Variants in PTBP3 observed in about 807,000 individuals in gnomAD.
PTBP3 encodes the protein polypyrimidine tract-binding protein 3.
Under a neutral mutation model 58.7 loss-of-function variants are expected in PTBP3, and 20 were observed. The observed-to-expected ratio is 0.34, with a 90% CI of 0.24 to 0.50. The LOEUF (loss-of-function observed/expected upper bound fraction) is 0.50. Ranked by LOEUF, PTBP3 falls within the 20% of genes least tolerant of loss-of-function variation. The pLI, the probability that PTBP3 is intolerant of heterozygous loss-of-function variation, is 0.98. For missense variants in PTBP3, 509 were observed against 637.2 expected (o/e 0.80, Z 2.17); for synonymous variants, 185 against 219.8 (o/e 0.84, Z 1.40).
intron 12 of PTBP3, among the ~76,000 whole-genome samples, chr9:112,227,205 A>C (rs1835023372): frequency 6.6e-6 from 1 of 152,176 alleles, no homozygotes; most frequent in Admixed American, 6.6e-5. Context: ...TTGGAAAGAA[A>C]ATTTTAAAAC....
chr9:112,320,314 A>ATATATATATATATATATATATTTTTT, intron 1 of PTBP3, among the ~76,000 whole-genome samples: 3 of 75,692 alleles, frequency 4.0e-5, no homozygotes, highest in South Asian at 4.9e-4. Context: ...ATATATATAT[A>ATATATATATATATATATATATTTTTT]TTTTTTTTTA....
chr9:112,266,245 G>T (rs1450292434), intron 4 of PTBP3, among the ~76,000 whole-genome samples: 1 of 152,100 alleles, frequency 6.6e-6, no homozygotes, highest in Admixed American at 6.6e-5. Flanking sequence ...ATTTAAAAAT[G>T]GCTGAAATGG....
chr9:112,333,876 A>G (rs1027973179), upstream of PTBP3, among the ~76,000 whole-genome samples: 1 of 142,072 alleles, frequency 7.0e-6, no homozygotes. Flanking sequence ...GCGCGCCCCC[A>G]GCCTCCCTCC....
chr9:112,374,549 G>A, the PTBP3 span, among the ~76,000 whole-genome samples: 15 of 152,182 alleles, frequency 9.9e-5, 1 homozygote, highest in Admixed American at 7.9e-4. Flanking sequence ...TTGTCACCTA[G>A]TTGGTGTTGT....
intron 3 of PTBP3, among the ~76,000 whole-genome samples, chr9:112,273,240 C>A (rs1827464782): frequency 6.6e-6 from 1 of 152,166 alleles, no homozygotes; most frequent in Non-Finnish European, 1.5e-5. Flanking sequence ...GCAAAACTGA[C>A]TTCAAGTCAT....
At chr9:112,338,930 C>G in the PTBP3 span, among the ~76,000 whole-genome samples, 118 of 152,272 alleles carry the variant, frequency 7.7e-4, no homozygotes, top group African/African-American at 2.7e-3. Flanking sequence ...GTATAATTTG[C>G]CAGCCCATGC....
chr9:112,225,046 C>T (rs1487789293), intron 12 of PTBP3, among the ~76,000 whole-genome samples: 1 of 152,192 alleles, frequency 6.6e-6, no homozygotes, highest in African/African-American at 2.4e-5. Context: ...ATTCCTGACT[C>T]ACAGTAACAA....
chr9:112,251,171 T>C, intron 6 of PTBP3, 68 bp from the exon 7 acceptor site: 1 of 1,292,964 alleles, frequency 7.7e-7, no homozygotes, highest in Non-Finnish European at 1.0e-6. Flanking sequence ...AGCCTCTACT[T>C]TGACAAAGAG....
At chr9:112,298,629 C>T in intron 1 of PTBP3, 1 of 453,098 alleles carries the variant, frequency 2.2e-6, no homozygotes, top group Non-Finnish European at 4.3e-6. Flanking sequence ...TATTGGTTTA[C>T]CTTGGCCAAT....
chr9:112,278,314 C>T (rs1291981056), intron 2 of PTBP3, among the ~76,000 whole-genome samples: 1 of 152,104 alleles, frequency 6.6e-6, no homozygotes, highest in Middle Eastern at 3.2e-3. Context: ...TGGACGGGGG[C>T]GAGAGTTGAA....
At chr9:112,267,683 G>A (rs1827154459) in intron 4 of PTBP3, among the ~76,000 whole-genome samples, 1 of 151,964 alleles carries the variant, frequency 6.6e-6, no homozygotes. Flanking sequence ...TTTTTATTAA[G>A]GTGTTAAATT....
the PTBP3 span, among the ~76,000 whole-genome samples, chr9:112,376,252 G>GTTTT: frequency 1.9e-3 from 143 of 74,998 alleles, 18 homozygotes; most frequent in Non-Finnish European, 2.7e-3. Flanking sequence ...AGTTTATTAA[G>GTTTT]TTTTTTTTTT....
the PTBP3 span, among the ~76,000 whole-genome samples, chr9:112,358,378 A>G: frequency 2.6e-5 from 4 of 152,206 alleles, no homozygotes; most frequent in Admixed American, 6.5e-5. Flanking sequence ...CAGACCAAGA[A>G]TGCTGCTAAA....
intron 2 of PTBP3, among the ~76,000 whole-genome samples, chr9:112,292,933 G>A (rs1489086878): frequency 6.6e-6 from 1 of 152,006 alleles, no homozygotes; most frequent in Non-Finnish European, 1.5e-5. Flanking sequence ...GAGATAGAGG[G>A]CACACAAGCA....
chr9:112,373,873 T>C, the PTBP3 span, among the ~76,000 whole-genome samples: 2 of 152,240 alleles, frequency 1.3e-5, no homozygotes, highest in Non-Finnish European at 1.5e-5. Context: ...ATTACAGTCC[T>C]TGTTTCTGCA....
At chr9:112,376,185 A>T in the PTBP3 span, among the ~76,000 whole-genome samples, 3 of 130,020 alleles carry the variant, frequency 2.3e-5, no homozygotes, top group East Asian at 2.3e-4. Context: ...ATATCCTATT[A>T]CTTCCTTATA....
At chr9:112,370,888 TATAA>T in the PTBP3 span, among the ~76,000 whole-genome samples, 1 of 152,200 alleles carries the variant, frequency 6.6e-6, no homozygotes, top group African/African-American at 2.4e-5. Context: ...TTGATGTTCT[TATAA>T]ATGAAATTTA....
the PTBP3 span, among the ~76,000 whole-genome samples, chr9:112,368,527 CT>C: frequency 0.94 from 140,701 of 150,372 alleles, 65,898 homozygotes; most frequent in Admixed American, 0.96. Flanking sequence ...CAAATCTTGG[CT>C]TTTTTTTTTT....
chr9:112,331,650 C>CTGAT (rs1830383272), intron 1 of PTBP3, among the ~76,000 whole-genome samples: 1 of 152,174 alleles, frequency 6.6e-6, no homozygotes, highest in Non-Finnish European at 1.5e-5. Flanking sequence ...GTTATTGGTT[C>CTGAT]TGATACAAAG....
Sources: allele counts gnomAD v4.1 joint callset (sites outside exome capture counted in the v4.1 genomes callset), GRCh38; gene constraint gnomAD v4.1.1; transcripts MANE v1.5; gene names NCBI Gene and HGNC (gene_info 2026-07-23, HGNC 2026-07-21).